Variants in AGBL1 observed in about 807,000 individuals in gnomAD.
AGBL1 encodes cytosolic carboxypeptidase 4.
In AGBL1, 130 loss-of-function variants were observed where a neutral mutation model predicts 118.9. That is an observed-to-expected ratio of 1.09 (90% confidence interval 0.95 to 1.26). The LOEUF is 1.26. Among genes scored for constraint, AGBL1 ranks in the 50% most tolerant of loss-of-function variants. The probability of loss-of-function intolerance (pLI) is 0.00; values close to 1 mark genes in which losing one functional copy is unlikely to be tolerated. For missense variants in AGBL1, 1,584 were observed against 1,298.1 expected, an observed-to-expected ratio of 1.22 and a Z score of -3.38; for synonymous variants, 555 against 478.9, an observed-to-expected ratio of 1.16 and a Z score of -2.08.
intron 23 of AGBL1, among the ~76,000 whole-genome samples, chr15:86,940,790 A>G (rs2080741310): frequency 6.6e-6 from 1 of 152,186 alleles, no homozygotes; most frequent in Admixed American, 6.5e-5. Flanking sequence ...ACCTGAAGTA[A>G]CTTGATGTTA....
At chr15:86,879,749 G>A (rs2079864754) in intron 22 of AGBL1, among the ~76,000 whole-genome samples, 1 of 152,196 alleles carries the variant, frequency 6.6e-6, no homozygotes, top group Admixed American at 6.5e-5. Context: ...TCACGAAACG[G>A]CTCTTTATTT....
chr15:86,541,712 G>A (rs1355248389), intron 19 of AGBL1, among the ~76,000 whole-genome samples: 1 of 151,748 alleles, frequency 6.6e-6, no homozygotes, highest in Non-Finnish European at 1.5e-5. Flanking sequence ...TAGTAACTGA[G>A]GAGACTAGCT....
intron 18 of AGBL1, among the ~76,000 whole-genome samples, chr15:86,484,449 C>G (rs1366795250): frequency 1.3e-5 from 2 of 152,070 alleles, no homozygotes; most frequent in African/African-American, 4.8e-5. Context: ...ACAGATAAAC[C>G]TTAATATTTT....
chr15:86,466,328 T>C (rs2082406118), intron 18 of AGBL1, among the ~76,000 whole-genome samples: 1 of 152,210 alleles, frequency 6.6e-6, no homozygotes, highest in Non-Finnish European at 1.5e-5. Flanking sequence ...TCTTGCTGTG[T>C]TTTTCAGCTC....
chr15:86,927,524 C>T (rs950822680), intron 23 of AGBL1, among the ~76,000 whole-genome samples: 4 of 152,046 alleles, frequency 2.6e-5, no homozygotes, highest in African/African-American at 4.8e-5. Flanking sequence ...GAGTTCCAGG[C>T]TGCAGTGAGC....
At chr15:86,432,259 A>G (rs1023768078) in intron 18 of AGBL1, among the ~76,000 whole-genome samples, 2 of 152,214 alleles carry the variant, frequency 1.3e-5, no homozygotes, top group Non-Finnish European at 2.9e-5. Flanking sequence ...TTTAGTTTTT[A>G]CCTAGGGTAT....
intron 6 of AGBL1, among the ~76,000 whole-genome samples, chr15:86,247,016 T>G (rs917456816): frequency 2.0e-5 from 3 of 152,278 alleles, no homozygotes; most frequent in African/African-American, 7.2e-5. Flanking sequence ...GAGAATAAGG[T>G]ACAGACTTTC....
intron 23 of AGBL1, among the ~76,000 whole-genome samples, chr15:86,951,211 G>A (rs762394744): frequency 2.0e-4 from 30 of 152,174 alleles, no homozygotes; most frequent in Non-Finnish European, 2.9e-4. Context: ...GTTAAGTGTT[G>A]GTGAGGATAA....
rs150513307 is a variant in AGBL1, at chr15:86,737,194, G to T, written c.3158+62758G>T. Among the ~76,000 whole-genome samples, 243 of 152,300 alleles carry T rather than the reference G, an allele frequency of 1.6e-3. 1 individual carries two copies. Among genetic ancestry groups the T allele is most frequent in the Non-Finnish European group, 2.5e-3 (172 of 68,020 alleles). On this transcript the variant is annotated intron_variant, in intron 22 of 22. Transcript: ENST00000614907. ...AAGACAAGGCATGTTTTCAGTGACT[G>T]GGGGAAGGGAGCTGGAAGGTTGCTG...
chr15:86,235,900 G>C (rs746205479), intron 6 of AGBL1, among the ~76,000 whole-genome samples: 1 of 152,102 alleles, frequency 6.6e-6, no homozygotes, highest in Non-Finnish European at 1.5e-5. Context: ...AAATGCACAG[G>C]ATGGCCCCAC....
At chr15:87,023,695 G>A (rs2081693437) in intron 24 of AGBL1, among the ~76,000 whole-genome samples, 1 of 151,912 alleles carries the variant, frequency 6.6e-6, no homozygotes, top group African/African-American at 2.4e-5. Flanking sequence ...GTATTAAACA[G>A]CACATGGAAC....
intron 19 of AGBL1, 162 bp downstream of exon 19, chr15:86,523,101 C>G: frequency 2.5e-6 from 2 of 813,274 alleles, no homozygotes; most frequent in Non-Finnish European, 4.0e-6. Flanking sequence ...GGCTGCTGTA[C>G]CAAACTGCCA....
intron 21 of AGBL1, among the ~76,000 whole-genome samples, chr15:86,625,764 C>T (rs2084877620): frequency 6.6e-6 from 1 of 152,040 alleles, no homozygotes; most frequent in South Asian, 2.1e-4. Context: ...TAAGTTTCTC[C>T]CCTGAAAAAG....
chr15:86,342,145 C>A (rs945531609), intron 17 of AGBL1, among the ~76,000 whole-genome samples: 2 of 152,156 alleles, frequency 1.3e-5, no homozygotes, highest in Non-Finnish European at 2.9e-5. Context: ...TATCTAACAT[C>A]CTTTTTTTAC....
rs546879277 is a variant in AGBL1 at position 86,111,653 on chromosome 15, C to T, written c.52-30351C>T. On this transcript the variant is annotated intron_variant, in intron 1 of 22. Coordinates refer to ENST00000614907, the MANE Select transcript of AGBL1 (RefSeq NM_001386094.1). ...ACCCAGTAGAAGTTTCCTGGGAGAA[C>T]AAGTTGGGGAAAACACTTGTGTAGT... Among the ~76,000 whole-genome samples, 18 of 152,262 alleles carry T rather than the reference C, an allele frequency of 1.2e-4. No individual in the cohort carries two copies. The South Asian group carries it at 2.1e-3, about 18-fold the overall frequency.
chr15:86,930,316 G>A (rs2080590296), intron 23 of AGBL1, among the ~76,000 whole-genome samples: 1 of 152,098 alleles, frequency 6.6e-6, no homozygotes. Context: ...CTATGAACAG[G>A]ATGAAGTGAT....
At chr15:86,748,086 A>G (rs1291354739) in intron 22 of AGBL1, among the ~76,000 whole-genome samples, 3 of 152,028 alleles carry the variant, frequency 2.0e-5, no homozygotes, top group African/African-American at 4.8e-5. Flanking sequence ...CTAGTTTATA[A>G]TCACATCAAC....
At chr15:86,976,783 AAC>A (rs1482855659) in intron 23 of AGBL1, among the ~76,000 whole-genome samples, 2 of 151,994 alleles carry the variant, frequency 1.3e-5, no homozygotes. Flanking sequence ...TTTATACATA[AAC>A]ACAGATAGAT....
intron 19 of AGBL1, among the ~76,000 whole-genome samples, chr15:86,524,408 G>C (rs2142204188): frequency 6.6e-6 from 1 of 152,302 alleles, no homozygotes; most frequent in East Asian, 1.9e-4. Context: ...ATTCATGGCA[G>C]AGTACAGGAG....
Sources: allele counts gnomAD v4.1 joint callset (sites outside exome capture counted in the v4.1 genomes callset), GRCh38; gene constraint gnomAD v4.1.1; transcripts MANE v1.5; gene names NCBI Gene and HGNC (gene_info 2026-07-23, HGNC 2026-07-21).